The following MED23 variants were observed in gnomAD, a reference collection of about 807,000 sequenced individuals.
MED23 encodes the protein mediator complex subunit 23.
A neutral mutation model predicts 163.9 loss-of-function variants in MED23; 105 were observed. That is an observed-to-expected ratio of 0.64 (90% CI 0.55 to 0.75). The LOEUF (loss-of-function observed/expected upper bound fraction) is 0.75, where lower values mean the gene tolerates loss of function less well. Among genes scored for constraint, MED23 ranks in the 30% least tolerant of loss-of-function variants. The pLI is 0.00. For missense variants in MED23, 1,054 were observed against 1,649.0 expected, an observed-to-expected ratio of 0.64 and a Z score of 6.25; for synonymous variants, 561 against 565.6, an observed-to-expected ratio of 0.99 and a Z score of 0.12.
chr6:131,609,952 T>C (rs2245133), intron 11 of MED23, 94 bp downstream of exon 11: 216,635 of 1,202,414 alleles, frequency 0.18, 21,311 homozygotes, highest in East Asian at 0.33. Context: ...TCAGAACTTC[T>C]GTCAGTTCTA....
chr6:131,593,710 CATTT>C lies in MED23; in HGVS notation c.3232+385_3232+388del, dbSNP rs534947118. On this transcript the variant is annotated intron_variant, in intron 23 of 28. Coordinates refer to ENST00000368068, the MANE Select transcript of MED23 (RefSeq NM_004830.4). ...TTCAATAAAGAAAAATATATTTTAT[CATTT>C]ATTATTTACTACAAACATTAATTTT... is the stretch of plus-strand genomic sequence containing the variant. 3.1e-3 allele frequency among the ~76,000 whole-genome samples: 467 copies of C among 152,082 alleles called. 4 individuals are homozygous for C. Among genetic ancestry groups the C allele is most frequent in the African/African-American group, 0.011 (445 of 41,512 alleles).
At chr6:131,600,293 T>A in intron 17 of MED23, 131 bp from the exon 18 acceptor site, 1 of 884,468 alleles carries the variant, frequency 1.1e-6, no homozygotes, top group Non-Finnish European at 1.8e-6. Flanking sequence ...TAACTAGTTA[T>A]ATTCAGCTTA....
Position 131,589,455 on chromosome 6 carries a change from T to C in MED23, c.3939+10A>G. 1 of 1,609,598 alleles carries C rather than the reference T, an allele frequency of 6.2e-7. No individual in the cohort carries two copies. The highest frequency in any genetic ancestry group is 1.1e-5 in the South Asian group (1 of 90,598). On this transcript the variant is annotated intron_variant, in intron 28 of 28. Transcript: ENST00000368068. ...ACATCATTAAAAATAATTAAACAAA[T>C]TCAACTTACTTGCTCTTTCACGCTG...
chr6:131,590,970 C>T (rs1585455457), intron 26 of MED23, among the ~76,000 whole-genome samples: 1 of 146,712 alleles, frequency 6.8e-6, no homozygotes, highest in South Asian at 2.2e-4. Flanking sequence ...GAGATTAGAA[C>T]AAAATGAAAT....
intron 30 of MED23, among the ~76,000 whole-genome samples, chr6:131,574,641 G>C (rs553843535): frequency 6.6e-6 from 1 of 152,212 alleles, no homozygotes; most frequent in South Asian, 2.1e-4. Flanking sequence ...GAGTAGAGAG[G>C]ATAAAATGGC....
intron 11 of MED23, among the ~76,000 whole-genome samples, chr6:131,609,768 T>C (rs1001172808): frequency 2.7e-5 from 4 of 148,576 alleles, no homozygotes; most frequent in African/African-American, 9.9e-5. Context: ...ATATAAAGTA[T>C]CCCCTCCTCT....
Position 131,623,375 on chromosome 6 carries a change from T to C in MED23, c.372A>G (p.Lys124=). 1 of 1,613,912 alleles carries C rather than the reference T, an allele frequency of 6.2e-7. No homozygotes were observed. Among genetic ancestry groups the C allele is most frequent in the Non-Finnish European group, 8.5e-7 (1 of 1,179,852 alleles). The change falls in exon 5 of 29, where the codon AAA becomes AAG. Residue 124 remains lysine (K), a synonymous_variant. Transcript: ENST00000368068. ...LWALTFKLVR[K]IIGGVDYKGV... Reference sequence around the variant, plus strand: ...CCTTGTAATCCACTCCCCCAATTATTTTCCGAACCAGTTTAAATGTTAAGG... The same window carrying C: ...CCTTGTAATCCACTCCCCCAATTATCTTCCGAACCAGTTTAAATGTTAAGG...
chr6:131,609,420 T>A (rs1350342919), intron 11 of MED23, among the ~76,000 whole-genome samples: 1 of 151,494 alleles, frequency 6.6e-6, no homozygotes, highest in Non-Finnish European at 1.5e-5. Flanking sequence ...TCTTTTTCTC[T>A]CAGCAAGTTT....
At chr6:131,583,771 G>A (rs770050608), downstream of MED23, 12 of 1,613,926 alleles carry the variant, frequency 7.4e-6, no homozygotes, top group Non-Finnish European at 1.0e-5. Context: ...TATAATGGAA[G>A]TGAACCCATC....
At position 131,608,143 on chromosome 6, in the gene MED23, TTTTTTG is replaced by T. The variant is rs1350190247; in HGVS notation, c.1078-78_1078-73del. On this transcript the variant is annotated intron_variant, in intron 11 of 28. Coordinates refer to ENST00000368068, the MANE Select transcript of MED23 (RefSeq NM_004830.4). Reference sequence around the variant, plus strand: ...GATGAATACAGGAAGTTTTTGTTGTTTTTTTGTTTTTGTTTTTAAGGAGAAACCTGG... The same window carrying T: ...GATGAATACAGGAAGTTTTTGTTGTTTTTTTGTTTTTAAGGAGAAACCTGG... The T allele has an allele frequency of 4.8e-5, 75 of 1,559,932 alleles. No individual in the cohort carries two copies. In the South Asian group the frequency reaches 6.0e-4, roughly 12 times the overall value.
At chr6:131,594,979 C>T (rs953118044) in intron 22 of MED23, among the ~76,000 whole-genome samples, 2 of 152,118 alleles carry the variant, frequency 1.3e-5, no homozygotes, top group African/African-American at 2.4e-5. Flanking sequence ...TGTATATTAC[C>T]TAATCCAAAA....
chr6:131,617,071 ATAT>A (rs949385448), intron 9 of MED23, among the ~76,000 whole-genome samples: 2 of 150,450 alleles, frequency 1.3e-5, no homozygotes, highest in African/African-American at 4.9e-5. Flanking sequence ...TACTTAAAAT[ATAT>A]TAATTTAAAA....
intron 25 of MED23, chr6:131,592,124 G>T: frequency 2.0e-6 from 1 of 497,616 alleles, no homozygotes; most frequent in South Asian, 2.5e-5. Flanking sequence ...AAAAACTAAA[G>T]TTGGATAGGT....
At chr6:131,593,682 C>A (rs1774822503) in intron 23 of MED23, among the ~76,000 whole-genome samples, 1 of 151,654 alleles carries the variant, frequency 6.6e-6, no homozygotes, top group Admixed American at 6.6e-5. Context: ...TAAAATATAC[C>A]TTTTCAATAA....
At chr6:131,623,561 A>C in intron 4 of MED23, 99 bp from the exon 5 acceptor site, 110 of 918,096 alleles carry the variant, frequency 1.2e-4, no homozygotes, top group Middle Eastern at 2.1e-4. Context: ...CACAAATCTC[A>C]TCTTGAATTG....
intron 30 of MED23, among the ~76,000 whole-genome samples, chr6:131,577,404 A>G (rs1773670989): frequency 6.6e-6 from 1 of 152,188 alleles, no homozygotes. Flanking sequence ...CTGGGTGCAG[A>G]GAAGTACAAC....
Position 131,592,405 on chromosome 6 carries a change from T to G in MED23, c.3454A>C (p.Ile1152Leu), listed in dbSNP as rs905266119. 1.2e-6 allele frequency: 2 copies of G among 1,613,892 alleles called. No homozygotes were observed. The highest frequency in any genetic ancestry group is 8.5e-7 in the Non-Finnish European group (1 of 1,179,936). Residue 1152 changes from isoleucine to leucine, a missense_variant, in exon 25 of 29, where the codon ATC becomes CTC. This residue lies in a region of MED23 where 362 missense variants were observed against 471.6 expected (regional missense o/e 0.77). Transcript: ENST00000368068. ...ITAWMNAIGL[I>L]ITALPEPYWI... ...TAACTCACTGGTAGGGCAGTGATGATCAAACCAATTGCATTCATCCATGCT... is the reference window on the plus strand; with the variant it reads ...TAACTCACTGGTAGGGCAGTGATGAGCAAACCAATTGCATTCATCCATGCT...
chr6:131,581,117 CTG>C, intron 30 of MED23: 3 of 1,157,768 alleles, frequency 2.6e-6, no homozygotes, highest in East Asian at 4.7e-5. Context: ...ATATCAGACA[CTG>C]TGACTCAAAG....
At chr6:131,593,240 G>C (rs796241445) in intron 23 of MED23, 69 bp from the exon 24 acceptor site, 1 of 1,578,502 alleles carries the variant, frequency 6.3e-7, no homozygotes. Flanking sequence ...ATTATGAGCT[G>C]CCAAGAAGTG....
Sources: gnomAD v4.1 joint callset for allele counts (sites outside exome capture counted in the v4.1 genomes callset) on GRCh38, gnomAD v4.1.1 for gene constraint, gnomAD v4.1.1 regional missense constraint, MANE v1.5 for transcripts, NCBI Gene and HGNC (gene_info 2026-07-23, HGNC 2026-07-21) for gene names.